RBM20: variants seen among roughly 807,000 people sequenced by gnomAD.
RBM20 encodes the protein RNA binding motif protein 20, also known as RNA-binding protein 20.
RBM20 carries 51 observed loss-of-function variants against 110.1 expected under a neutral mutation model. The observed-to-expected ratio is 0.46, with a 90% CI of 0.37 to 0.59. RBM20 has a LOEUF of 0.59. Ranked by LOEUF, RBM20 falls within the 20% of genes least tolerant of loss-of-function variation. The pLI, the probability that RBM20 is intolerant of heterozygous loss-of-function variation, is 0.00. For missense variants in RBM20, 1,512 were observed against 1,574.9 expected, an observed-to-expected ratio of 0.96 and a Z score of 0.68; for synonymous variants, 589 against 618.2, an observed-to-expected ratio of 0.95 and a Z score of 0.70.
Position 110,731,786 on chromosome 10 carries a change from A to G in RBM20, c.192-49015A>G, listed in dbSNP as rs1843623193. On this transcript the variant is annotated intron_variant, in intron 1 of 13. Coordinates refer to ENST00000369519, the MANE Select transcript of RBM20 (RefSeq NM_001134363.3). ...TCCACTTCAGAGTTTAGGCTTCTTC[A>G]GGCATTTTCCTTAGTTGTATGCTGA... 2.0e-5 allele frequency among the ~76,000 whole-genome samples: 3 copies of G among 152,326 alleles called. No homozygotes were observed. In the South Asian group the frequency reaches 6.2e-4, roughly 32 times the overall value.
At chr10:110,727,331 G>A (rs1260731486) in intron 1 of RBM20, among the ~76,000 whole-genome samples, 1 of 148,028 alleles carries the variant, frequency 6.8e-6, no homozygotes, top group Non-Finnish European at 1.5e-5. Flanking sequence ...TCAGGTGTGG[G>A]CTGCAATTGT....
At chr10:110,661,231 G>T (rs1215798641) in intron 1 of RBM20, among the ~76,000 whole-genome samples, 1 of 152,234 alleles carries the variant, frequency 6.6e-6, no homozygotes. Context: ...TGTGATTCAG[G>T]AAACTGAAAG....
chr10:110,783,683 G>A (rs545227451), intron 3 of RBM20, among the ~76,000 whole-genome samples: 29 of 152,362 alleles, frequency 1.9e-4, no homozygotes, highest in Admixed American at 1.6e-3. Flanking sequence ...GCGTGTGTGC[G>A]TGGGCGTGTG....
intron 1 of RBM20, among the ~76,000 whole-genome samples, chr10:110,730,839 C>A (rs1420841412): frequency 6.6e-6 from 1 of 152,218 alleles, no homozygotes; most frequent in Non-Finnish European, 1.5e-5. Context: ...GGCAGGGAAT[C>A]AGGAAGAAGG....
intron 1 of RBM20, among the ~76,000 whole-genome samples, chr10:110,719,851 C>G (rs553434510): frequency 5.9e-5 from 9 of 152,258 alleles, no homozygotes; most frequent in Admixed American, 4.6e-4. Context: ...TCCTCCTTCT[C>G]CCACCTCTGT....
At chr10:110,711,329 C>CAAAAAAAAAAA (rs1157753270) in intron 1 of RBM20, among the ~76,000 whole-genome samples, 3 of 28,402 alleles carry the variant, frequency 1.1e-4, no homozygotes, top group Non-Finnish European at 1.7e-4. Flanking sequence ...GACTCCATCT[C>CAAAAAAAAAAA]AAAAAAAAAA....
At chr10:110,783,950 C>T (rs34811306) in intron 3 of RBM20, among the ~76,000 whole-genome samples, 36,408 of 152,110 alleles carry the variant, frequency 0.24, 4,761 homozygotes, top group Middle Eastern at 0.31. Context: ...TCTGTCTCTA[C>T]GGATTTGCCT....
chr10:110,806,393 G>A (rs1161083373), intron 7 of RBM20, among the ~76,000 whole-genome samples: 1 of 152,196 alleles, frequency 6.6e-6, no homozygotes, highest in African/African-American at 2.4e-5. Flanking sequence ...TACAGTCGTG[G>A]CAGAAGGCAA....
chr10:110,750,015 A>T (rs898300658), intron 1 of RBM20, among the ~76,000 whole-genome samples: 3 of 152,250 alleles, frequency 2.0e-5, no homozygotes, highest in Non-Finnish European at 4.4e-5. Context: ...AAGTATTATG[A>T]TTTATAGGTG....
In RBM20 at chr10:110,644,355, G is replaced by T. The variant is rs1861833914; in HGVS notation, c.-100G>T. On this transcript the variant is annotated 5_prime_UTR_variant, in exon 1 of 14. It adds an upstream start codon to the 5' untranslated region. Coordinates refer to ENST00000369519, the MANE Select transcript of RBM20 (RefSeq NM_001134363.3). The surrounding 1 kb of genome is among the most constrained non-coding windows in gnomAD (Gnocchi z 4.3). ...CTCCCCGCGCCACCGGGAAGGACAAGGGGACTGGGCACGGGGACCCCGGCC... is the reference window on the plus strand; with the variant it reads ...CTCCCCGCGCCACCGGGAAGGACAATGGGACTGGGCACGGGGACCCCGGCC... 1 of 967,090 alleles carries T rather than the reference G, an allele frequency of 1.0e-6. No individual in the cohort carries two copies. Among genetic ancestry groups the T allele is most frequent in the South Asian group, 2.4e-5 (1 of 42,430 alleles). The allele number at this position is 967,090 out of a possible 1,614,324, so 59.9% of individuals were successfully genotyped here. A position where few individuals can be genotyped will look rare whatever the true frequency, so the allele number is the denominator to read the frequency against.
intron 1 of RBM20, among the ~76,000 whole-genome samples, chr10:110,656,915 A>G (rs1349139977): frequency 6.6e-6 from 1 of 152,224 alleles, no homozygotes; most frequent in Non-Finnish European, 1.5e-5. Context: ...TACTATTGTG[A>G]ATAGTGCTAC....
At chr10:110,737,606 G>C (rs4918581) in intron 1 of RBM20, among the ~76,000 whole-genome samples, 106,807 of 151,182 alleles carry the variant, frequency 0.71, 38,482 homozygotes, top group African/African-American at 0.86. Flanking sequence ...CCTCTCTGAA[G>C]ATAGATTAGT....
chr10:110,654,594 G>T (rs747686360), intron 1 of RBM20, among the ~76,000 whole-genome samples: 2 of 152,176 alleles, frequency 1.3e-5, no homozygotes, highest in African/African-American at 2.4e-5. Context: ...GACTTGCCCT[G>T]GTGCCTAAAC....
chr10:110,791,994 T>C (rs1410293955), intron 5 of RBM20, among the ~76,000 whole-genome samples: 1 of 152,258 alleles, frequency 6.6e-6, no homozygotes, highest in Non-Finnish European at 1.5e-5. Context: ...AAATTTATTT[T>C]TGGTAACTTT....
Position 110,644,454 on chromosome 10 carries a change from C to A in RBM20, c.-1C>A. Reference sequence around the variant, plus strand: ...GCGATCCCGGGCGGGTCTCGCCCCGCATGGTGCTGGCAGCAGCCATGAGCC... The same window carrying A: ...GCGATCCCGGGCGGGTCTCGCCCCGAATGGTGCTGGCAGCAGCCATGAGCC... On this transcript the variant is annotated 5_prime_UTR_variant, in exon 1 of 14. Coordinates refer to ENST00000369519, the MANE Select transcript of RBM20 (RefSeq NM_001134363.3). The surrounding 1 kb of genome is among the most constrained non-coding windows in gnomAD (Gnocchi z 4.3). 1 of 1,489,098 alleles carries A rather than the reference C, an allele frequency of 6.7e-7. No individual in the cohort carries two copies. The allele number at this position is 1,489,098 out of a possible 1,614,324, so 92.2% of individuals were successfully genotyped here. A position where few individuals can be genotyped will look rare whatever the true frequency, so the allele number is the denominator to read the frequency against.
rs1300015150 is a variant in RBM20, at chr10:110,837,908, A to C, written c.*1930A>C. 1 of 152,192 alleles carries C rather than the reference A, an allele frequency of 6.6e-6. No individual in the cohort carries two copies. Among genetic ancestry groups the C allele is most frequent in the Admixed American group, 6.5e-5 (1 of 15,272 alleles). 9.4% of individuals were successfully genotyped at this position (152,192 alleles called of 1,614,324 possible). ...CAGGCTATTAAATAAAATTTATAGG[A>C]GGCTGTTGGTTTGGACTGAGCTCCT... On this transcript the variant is annotated 3_prime_UTR_variant, in exon 14 of 14. Coordinates refer to ENST00000369519, the MANE Select transcript of RBM20 (RefSeq NM_001134363.3).
intron 1 of RBM20, among the ~76,000 whole-genome samples, chr10:110,682,950 T>C (rs982806518): frequency 1.3e-5 from 2 of 152,242 alleles, no homozygotes; most frequent in African/African-American, 4.8e-5. Context: ...AAGGAAGAGC[T>C]GTTGTTCCTT....
chr10:110,644,379 C>G lies in RBM20; in HGVS notation c.-76C>G. On this transcript the variant is annotated 5_prime_UTR_variant, in exon 1 of 14. Coordinates refer to ENST00000369519, the MANE Select transcript of RBM20 (RefSeq NM_001134363.3). This position sits in a 1 kb window ranked among gnomAD's most constrained non-coding sequence, Gnocchi z 4.3. ...AGGGGACTGGGCACGGGGACCCCGG[C>G]CAGTGAGCGCCCGTGGCCCGGGACC... The G allele has an allele frequency of 8.1e-7, 1 of 1,228,462 alleles. No individual in the cohort carries two copies. Among genetic ancestry groups the G allele is most frequent in the Non-Finnish European group, 1.1e-6 (1 of 944,296 alleles). 76.1% of individuals were successfully genotyped at this position (1,228,462 alleles called of 1,614,324 possible).
At chr10:110,701,033 A>C (rs1862750309) in intron 1 of RBM20, among the ~76,000 whole-genome samples, 1 of 152,096 alleles carries the variant, frequency 6.6e-6, no homozygotes, top group South Asian at 2.1e-4. Context: ...AAAACAAAGC[A>C]AACAAACAAA....
Sources: gnomAD v4.1 joint callset for allele counts (sites outside exome capture counted in the v4.1 genomes callset) on GRCh38, gnomAD v4.1.1 for gene constraint, Gnocchi (gnomAD v3.1) non-coding constraint, MANE v1.5 for transcripts, NCBI Gene and HGNC (gene_info 2026-07-23, HGNC 2026-07-21) for gene names.